SLC26A4: variants seen among roughly 807,000 people sequenced by gnomAD.
SLC26A4 encodes the protein solute carrier family 26 member 4.
A neutral mutation model predicts 90.4 loss-of-function variants in SLC26A4; 93 were observed. The ratio of observed to expected loss-of-function variants is 1.03; its 90% confidence interval spans 0.87 to 1.22. The LOEUF (loss-of-function observed/expected upper bound fraction) is 1.22. SLC26A4 is among the 50% of genes most tolerant of loss of function. The pLI is 0.00. For missense variants in SLC26A4, 1,127 were observed against 946.2 expected (o/e 1.19, Z -2.51); for synonymous variants, 393 against 354.6 (o/e 1.11, Z -1.22).
chr7:107,663,421 T>A lies in SLC26A4; in HGVS notation c.290T>A (p.Val97Glu). The change falls in exon 3 of 21, where the codon GTG becomes GAG. Residue 97 changes from valine to glutamate, a missense_variant. By Grantham distance (121) the Val-to-Glu change is moderately radical. Transcript: ENST00000644269. ...DVISGVSTGL[V>E]ATLQGMAYAL... ...ATTTCGGGAGTTAGTACTGGGCTAG[T>A]GGCCACGCTGCAAGGTAAGATGTTG... 6.2e-7 allele frequency: 1 copy of A among 1,614,056 alleles called. No individual in the cohort carries two copies. The highest frequency in any genetic ancestry group is 2.2e-5 in the East Asian group (1 of 44,866).
At position 107,661,911 on chromosome 7, in the gene SLC26A4, C is replaced by T; in HGVS notation, c.164+106C>T. ...CGAGAGTGGGGTGCGGGCGGCGGAG[C>T]CCCTGGGCGCCAGCTGCTTCTCCCA... On this transcript the variant is annotated intron_variant, in intron 2 of 20. Coordinates refer to ENST00000644269, the MANE Select transcript of SLC26A4 (RefSeq NM_000441.2). The surrounding 1 kb of genome is among the most constrained non-coding windows in gnomAD (Gnocchi z 5.1). 2 of 1,270,734 alleles carry T rather than the reference C, an allele frequency of 1.6e-6. No individual in the cohort carries two copies. Among genetic ancestry groups the T allele is most frequent in the Non-Finnish European group, 1.1e-6 (1 of 942,952 alleles). 78.7% of individuals were successfully genotyped at this position (1,270,734 alleles called of 1,614,324 possible).
intron 19 of SLC26A4, among the ~76,000 whole-genome samples, chr7:107,712,193 G>A (rs145784995): frequency 1.8e-4 from 28 of 152,226 alleles, no homozygotes; most frequent in African/African-American, 6.0e-4. Flanking sequence ...CACACTCAAC[G>A]CTGTGCTAAG....
At chr7:107,672,860 G>A (rs1390844972) in intron 4 of SLC26A4, among the ~76,000 whole-genome samples, 1 of 152,158 alleles carries the variant, frequency 6.6e-6, no homozygotes, top group Non-Finnish European at 1.5e-5. Flanking sequence ...GAATGTCCTA[G>A]TAAATGAGTG....
chr7:107,681,042 T>G (rs1791216221), intron 6 of SLC26A4, among the ~76,000 whole-genome samples: 1 of 152,154 alleles, frequency 6.6e-6, no homozygotes, highest in Non-Finnish European at 1.5e-5. Flanking sequence ...ATGCCCTAAG[T>G]TCTTGTTATC....
In SLC26A4 at chr7:107,701,839, A is replaced by T; in HGVS notation, c.1816A>T (p.Ser606Cys). 6.3e-7 allele frequency: 1 copy of T among 1,593,278 alleles called. No individual in the cohort carries two copies. The highest frequency in any genetic ancestry group is 8.6e-7 in the Non-Finnish European group (1 of 1,161,084). The change falls in exon 17 of 21, where the codon AGT becomes TGT. Residue 606 changes from serine to cysteine, a missense_variant. Coordinates refer to ENST00000644269, the MANE Select transcript of SLC26A4 (RefSeq NM_000441.2). ...QLRATKNGIISDAVSTNNAFE... is the reference protein window; with the variant it reads ...QLRATKNGIICDAVSTNNAFE... ...TTTCTTCGTTTAGAATGGCATCATA[A>T]GTGATGCTGTTTCAACAAATAATGC...
chr7:107,699,267 C>G (rs1362048460), intron 14 of SLC26A4, among the ~76,000 whole-genome samples: 1 of 152,128 alleles, frequency 6.6e-6, no homozygotes, highest in East Asian at 1.9e-4. Flanking sequence ...GTTTTCTCAT[C>G]TGAAGCAGCT....
intron 8 of SLC26A4, 47 bp from the exon 9 acceptor site, chr7:107,689,006 G>A (rs2129315774): frequency 2.5e-6 from 4 of 1,606,248 alleles, no homozygotes; most frequent in Middle Eastern, 1.7e-4. Flanking sequence ...GGGGAAAAAG[G>A]ATGGTGGTCA....
chr7:107,706,249 C>T (rs1211818512), intron 18 of SLC26A4, among the ~76,000 whole-genome samples: 1 of 152,180 alleles, frequency 6.6e-6, no homozygotes, highest in Non-Finnish European at 1.5e-5. Flanking sequence ...ATTATTTACA[C>T]AGTACAGCAA....
At chr7:107,680,982 G>A (rs1296943488) in intron 6 of SLC26A4, among the ~76,000 whole-genome samples, 4 of 152,148 alleles carry the variant, frequency 2.6e-5, no homozygotes, top group Admixed American at 6.6e-5. Flanking sequence ...AAACAGCAAT[G>A]ATAACCTTCA....
intron 9 of SLC26A4, among the ~76,000 whole-genome samples, chr7:107,689,868 T>G (rs1396309503): frequency 2.0e-5 from 3 of 152,158 alleles, no homozygotes; most frequent in Non-Finnish European, 4.4e-5. Flanking sequence ...TGAAAAAGCT[T>G]AGCAAATGAT....
Position 107,709,858 on chromosome 7 carries a change from G to T in SLC26A4, c.2090-196G>T, listed in dbSNP as rs192400305. On this transcript the variant is annotated intron_variant, in intron 18 of 20. Coordinates refer to ENST00000644269, the MANE Select transcript of SLC26A4 (RefSeq NM_000441.2). ...AAAATTTCTTTTCTTAGCTGGGCAT[G>T]GTAGGGTGTGCCCTGTAGTCCTAGC... Among the ~76,000 whole-genome samples, 962 of 151,798 alleles carry T rather than the reference G, an allele frequency of 6.3e-3. 14 individuals are homozygous for T. The highest frequency in any genetic ancestry group is 0.023 in the African/African-American group (926 of 41,060).
At chr7:107,698,915 G>A (rs1413779320) in intron 14 of SLC26A4, among the ~76,000 whole-genome samples, 1 of 152,034 alleles carries the variant, frequency 6.6e-6, no homozygotes, top group African/African-American at 2.4e-5. Flanking sequence ...ATTGCTTAGT[G>A]GTGACTAGGG....
chr7:107,699,363 T>G (rs1412930395), intron 14 of SLC26A4, among the ~76,000 whole-genome samples: 1 of 152,204 alleles, frequency 6.6e-6, no homozygotes, highest in Non-Finnish European at 1.5e-5. Flanking sequence ...CCATTGTATG[T>G]CAGGGTGAGA....
At chr7:107,691,128 C>CACACACACAA (rs1434628485) in intron 10 of SLC26A4, among the ~76,000 whole-genome samples, 6 of 151,572 alleles carry the variant, frequency 4.0e-5, no homozygotes, top group Admixed American at 3.3e-4. Flanking sequence ...CACACACACA[C>CACACACACAA]ACACACACAC....
chr7:107,676,548 A>T (rs1433530926), intron 6 of SLC26A4, among the ~76,000 whole-genome samples: 3 of 152,260 alleles, frequency 2.0e-5, no homozygotes, highest in Middle Eastern at 3.2e-3. Flanking sequence ...TTCTACATAA[A>T]GCATGTTATT....
At chr7:107,674,128 A>G in intron 4 of SLC26A4, 36 bp from the exon 5 acceptor site, 2 of 1,589,924 alleles carry the variant, frequency 1.3e-6, no homozygotes, top group East Asian at 2.2e-5. Flanking sequence ...TTTGTGATTA[A>G]TAACTGATTA....
rs964051005 is a variant in SLC26A4, at chr7:107,694,748, A to G, written c.1437+32A>G. 3 of 1,462,922 alleles carry G rather than the reference A, an allele frequency of 2.1e-6. No homozygotes were observed. In the African/African-American group the frequency reaches 4.2e-5, roughly 20 times the overall value. The allele number at this position is 1,462,922 out of a possible 1,614,324, so 90.6% of individuals were successfully genotyped here. A position where few individuals can be genotyped will look rare whatever the true frequency, so the allele number is the denominator to read the frequency against. ...CACCTACCACCTATATTTATCTGAA[A>G]TAAGATTTGGTTCTTATATGCTTCC... On this transcript the variant is annotated intron_variant, in intron 12 of 20. Coordinates refer to ENST00000644269, the MANE Select transcript of SLC26A4 (RefSeq NM_000441.2).
intron 6 of SLC26A4, among the ~76,000 whole-genome samples, chr7:107,675,414 G>A (rs1790998515): frequency 2.6e-5 from 4 of 151,708 alleles, no homozygotes; most frequent in Admixed American, 1.3e-4. Flanking sequence ...GGCTGAGGTG[G>A]GAAGATCTCC....
intron 3 of SLC26A4, among the ~76,000 whole-genome samples, chr7:107,666,875 G>A (rs930082065): frequency 6.6e-6 from 1 of 152,148 alleles, no homozygotes; most frequent in South Asian, 2.1e-4. Flanking sequence ...GGCCCTGTGG[G>A]GATATTGCTG....
Sources: allele counts gnomAD v4.1 joint callset (sites outside exome capture counted in the v4.1 genomes callset), GRCh38; gene constraint gnomAD v4.1.1; non-coding constraint Gnocchi (gnomAD v3.1); transcripts MANE v1.5; gene names NCBI Gene and HGNC (gene_info 2026-07-23, HGNC 2026-07-21).